Variants in ABHD17C observed in about 807,000 individuals in gnomAD.
The protein encoded by ABHD17C is abhydrolase domain containing 17C, depalmitoylase, also known as alpha/beta hydrolase domain-containing protein 17C.
Under a neutral mutation model 27.9 loss-of-function variants are expected in ABHD17C, and 11 were observed. The observed-to-expected ratio is 0.39, with a 90% CI of 0.25 to 0.65. The LOEUF is 0.65. ABHD17C is among the 30% of genes least tolerant of loss of function. ABHD17C has a pLI of 0.45. For missense variants in ABHD17C, 280 were observed against 470.2 expected, an observed-to-expected ratio of 0.60 and a Z score of 3.74; for synonymous variants, 233 against 209.1, an observed-to-expected ratio of 1.11 and a Z score of -0.98.
chr15:80,749,516 T>C lies in ABHD17C; in HGVS notation c.594T>C (p.Tyr198=). The C allele has an allele frequency of 1.2e-6, 2 of 1,613,752 alleles. No homozygotes were observed. The highest frequency in any genetic ancestry group is 1.7e-6 in the Non-Finnish European group (2 of 1,179,754). The change falls in exon 2 of 3, where the codon TAT becomes TAC. Residue 198 remains tyrosine, a synonymous_variant. Coordinates refer to ENST00000258884, the MANE Select transcript of ABHD17C (RefSeq NM_021214.2). ...DAAWQALRTR[Y]GVSPENIILY... The stretch of plus-strand genomic sequence containing the variant: ...ATACAACCTCTGATTTCTCCAGGTA[T>C]GGCGTGAGTCCCGAGAACATTATCC...
intron 1 of ABHD17C, among the ~76,000 whole-genome samples, chr15:80,713,240 A>G (rs974814313): frequency 2.6e-5 from 4 of 151,936 alleles, no homozygotes; most frequent in African/African-American, 7.3e-5. Context: ...TGCCGTGGTA[A>G]CAGTGTCCTG....
intron 1 of ABHD17C, among the ~76,000 whole-genome samples, chr15:80,731,809 A>G (rs1895061033): frequency 6.6e-6 from 1 of 152,228 alleles, no homozygotes; most frequent in Non-Finnish European, 1.5e-5. Flanking sequence ...ATGTAATAAG[A>G]AAATGATGAG....
chr15:80,696,203 C>T (rs1284293003), intron 1 of ABHD17C, among the ~76,000 whole-genome samples, 184 bp downstream of exon 1: 1 of 152,228 alleles, frequency 6.6e-6, no homozygotes, highest in Non-Finnish European at 1.5e-5. Flanking sequence ...CTCCCACCCT[C>T]TCCAAAAACC....
At chr15:80,741,631 G>A (rs1895213338) in intron 1 of ABHD17C, among the ~76,000 whole-genome samples, 2 of 151,968 alleles carry the variant, frequency 1.3e-5, no homozygotes, top group Non-Finnish European at 1.5e-5. Flanking sequence ...CCCTGTACGT[G>A]CAGCAAAATT....
chr15:80,719,886 C>T (rs1019624747), intron 1 of ABHD17C, among the ~76,000 whole-genome samples: 1 of 152,188 alleles, frequency 6.6e-6, no homozygotes, highest in Non-Finnish European at 1.5e-5. Context: ...CAGCCTCCGC[C>T]TCCCAGGCTC....
intron 1 of ABHD17C, among the ~76,000 whole-genome samples, chr15:80,730,217 C>T (rs1336274097): frequency 6.6e-6 from 1 of 152,182 alleles, no homozygotes; most frequent in Non-Finnish European, 1.5e-5. Context: ...TTCATATGCT[C>T]AGAACAACTC....
At chr15:80,733,588 C>T (rs2141512693) in intron 1 of ABHD17C, among the ~76,000 whole-genome samples, 1 of 152,302 alleles carries the variant, frequency 6.6e-6, no homozygotes, top group East Asian at 1.9e-4. Context: ...CATACACGTT[C>T]TCTATCCCCA....
intron 1 of ABHD17C, among the ~76,000 whole-genome samples, chr15:80,734,302 C>T (rs1307277174): frequency 6.6e-6 from 1 of 152,132 alleles, no homozygotes; most frequent in Admixed American, 6.6e-5. Flanking sequence ...TTTATATAAG[C>T]CAGCTTGTGC....
intron 2 of ABHD17C, 111 bp downstream of exon 2, chr15:80,749,803 C>T: frequency 7.6e-7 from 1 of 1,318,598 alleles, no homozygotes; most frequent in East Asian, 2.5e-5. Context: ...ATACGTCAGA[C>T]CCTGTGCTGG....
At chr15:80,720,627 A>T (rs1894881726) in intron 1 of ABHD17C, among the ~76,000 whole-genome samples, 1 of 152,120 alleles carries the variant, frequency 6.6e-6, no homozygotes, top group African/African-American at 2.4e-5. Context: ...TCTTTTAAAA[A>T]TGATTATTAA....
chr15:80,742,557 C>T (rs1895225058), intron 1 of ABHD17C, among the ~76,000 whole-genome samples: 1 of 152,178 alleles, frequency 6.6e-6, no homozygotes, highest in Non-Finnish European at 1.5e-5. Context: ...TAGTCTCTTC[C>T]AGAAGCACCC....
chr15:80,701,221 G>C (rs1284023532), intron 1 of ABHD17C, among the ~76,000 whole-genome samples: 2 of 152,114 alleles, frequency 1.3e-5, no homozygotes, highest in Admixed American at 6.5e-5. Flanking sequence ...ACAGCCAGCA[G>C]TCTCAGGGTG....
intron 1 of ABHD17C, among the ~76,000 whole-genome samples, chr15:80,711,718 G>A (rs934922350): frequency 2.0e-5 from 3 of 152,108 alleles, no homozygotes; most frequent in African/African-American, 7.2e-5. Flanking sequence ...ACTGAAAATG[G>A]GACCAGTTTC....
intron 1 of ABHD17C, among the ~76,000 whole-genome samples, chr15:80,725,089 G>C (rs1227895476): frequency 6.6e-6 from 1 of 152,212 alleles, no homozygotes; most frequent in Non-Finnish European, 1.5e-5. Flanking sequence ...CCAGGGCAGT[G>C]TGCCTAACCA....
intron 1 of ABHD17C, among the ~76,000 whole-genome samples, chr15:80,748,659 C>T (rs962256871): frequency 6.7e-6 from 1 of 149,674 alleles, no homozygotes; most frequent in African/African-American, 2.5e-5. Flanking sequence ...CATGTATTTT[C>T]CCGGGTTCCT....
At chr15:80,741,674 G>A (rs890499605) in intron 1 of ABHD17C, among the ~76,000 whole-genome samples, 2 of 152,028 alleles carry the variant, frequency 1.3e-5, no homozygotes, top group African/African-American at 4.8e-5. Flanking sequence ...AATCTCACAG[G>A]TAGAAGATTT....
chr15:80,726,501 G>GTTTTTT (rs10572505), intron 1 of ABHD17C, among the ~76,000 whole-genome samples: 3 of 94,504 alleles, frequency 3.2e-5, no homozygotes, highest in Admixed American at 1.3e-4. Context: ...TCTTTTTCTG[G>GTTTTTT]TTTTTTTTTT....
At chr15:80,697,120 C>G (rs752080021) in intron 1 of ABHD17C, among the ~76,000 whole-genome samples, 1 of 152,128 alleles carries the variant, frequency 6.6e-6, no homozygotes, top group Non-Finnish European at 1.5e-5. Context: ...CGTACTCACG[C>G]ATATGTTCCT....
intron 1 of ABHD17C, among the ~76,000 whole-genome samples, chr15:80,719,808 G>GT (rs1042187371): frequency 1.4e-4 from 22 of 151,900 alleles, no homozygotes; most frequent in Non-Finnish European, 1.9e-4. Context: ...TTTTCTTTTT[G>GT]TTTTTTGGAA....
Sources: allele counts gnomAD v4.1 joint callset (sites outside exome capture counted in the v4.1 genomes callset), GRCh38; gene constraint gnomAD v4.1.1; transcripts MANE v1.5; gene names NCBI Gene and HGNC (gene_info 2026-07-23, HGNC 2026-07-21).